The following SMCO4 variants were observed in gnomAD, a reference collection of about 807,000 sequenced individuals.
SMCO4 encodes the protein single-pass membrane protein with coiled-coil domains 4.
In SMCO4, 4 loss-of-function variants were observed where a neutral mutation model predicts 3.6. The observed-to-expected ratio is 1.11, with a 90% CI of 0.54 to 2.53. The LOEUF (loss-of-function observed/expected upper bound fraction) is 2.53. Among genes scored for constraint, SMCO4 ranks in the 30% most tolerant of loss-of-function variants. The pLI, the probability that SMCO4 is intolerant of heterozygous loss-of-function variation, is 0.02. For synonymous variants in SMCO4, 36 were observed against 35.3 expected (o/e 1.02, Z -0.07); for missense variants, 70 against 80.8 (o/e 0.87, Z 0.51).
chr11:93,535,286 T>C (rs918048952), intron 1 of SMCO4, among the ~76,000 whole-genome samples: 1 of 152,212 alleles, frequency 6.6e-6, no homozygotes, highest in Non-Finnish European at 1.5e-5. Context: ...ACTGGTGGCA[T>C]GACGCTTACA....
At chr11:93,547,621 G>T (rs1949323714), upstream of SMCO4, among the ~76,000 whole-genome samples, 1 of 152,146 alleles carries the variant, frequency 6.6e-6, no homozygotes, top group Non-Finnish European at 1.5e-5. Context: ...TACCTAGCAT[G>T]GAGCCTGGTG....
At chr11:93,495,190 G>A (rs1464721961) in intron 2 of SMCO4, among the ~76,000 whole-genome samples, 3 of 152,048 alleles carry the variant, frequency 2.0e-5, no homozygotes, top group Non-Finnish European at 2.9e-5. Context: ...GGGTGAGTGA[G>A]GGGCCATCTC....
chr11:93,488,210 T>C (rs913319814), intron 2 of SMCO4, among the ~76,000 whole-genome samples: 4 of 152,190 alleles, frequency 2.6e-5, no homozygotes, highest in African/African-American at 7.2e-5. Flanking sequence ...GCAGGACCCA[T>C]GCACAGACCC....
intron 1 of SMCO4, chr11:93,537,837 G>A (rs1487463795): frequency 1.3e-5 from 2 of 151,908 alleles, no homozygotes; most frequent in Non-Finnish European, 2.9e-5. Context: ...CTTGCACGGA[G>A]TGACTCACCG....
chr11:93,511,168 T>TA (rs201140199), intron 1 of SMCO4, among the ~76,000 whole-genome samples: 83 of 150,614 alleles, frequency 5.5e-4, no homozygotes, highest in African/African-American at 7.8e-4. Context: ...CATGTCCAAT[T>TA]AAAAAAAAAT....
intron 2 of SMCO4, among the ~76,000 whole-genome samples, chr11:93,493,286 C>T (rs1388431086): frequency 6.6e-6 from 1 of 152,142 alleles, no homozygotes; most frequent in Non-Finnish European, 1.5e-5. Context: ...CTCAGGCCAC[C>T]GTGGGTCCAC....
chr11:93,491,838 T>A (rs1296576368), intron 2 of SMCO4, among the ~76,000 whole-genome samples: 1 of 152,208 alleles, frequency 6.6e-6, no homozygotes. Context: ...CCTGTCCCCA[T>A]GTTTTTATGG....
At chr11:93,494,294 T>C (rs1187612812) in intron 2 of SMCO4, among the ~76,000 whole-genome samples, 1 of 152,214 alleles carries the variant, frequency 6.6e-6, no homozygotes, top group Admixed American at 6.5e-5. Context: ...AGTCTAGTTA[T>C]CATAAACTTT....
At chr11:93,530,881 A>G (rs960553992) in intron 1 of SMCO4, among the ~76,000 whole-genome samples, 2 of 152,184 alleles carry the variant, frequency 1.3e-5, no homozygotes, top group Admixed American at 6.5e-5. Flanking sequence ...CTTTTTCAGC[A>G]GTCACCAATA....
upstream of SMCO4, among the ~76,000 whole-genome samples, chr11:93,548,181 G>C (rs145007815): frequency 2.0e-5 from 3 of 152,334 alleles, no homozygotes; most frequent in Non-Finnish European, 4.4e-5. Context: ...TCACAACTCA[G>C]AGGTAAAATG....
intron 2 of SMCO4, among the ~76,000 whole-genome samples, chr11:93,498,914 G>C (rs944236363): frequency 4.4e-4 from 67 of 152,248 alleles, no homozygotes; most frequent in African/African-American, 1.5e-3. Flanking sequence ...CACAAAAACA[G>C]GCAACGAGAA....
intron 1 of SMCO4, among the ~76,000 whole-genome samples, chr11:93,524,378 G>C (rs1033453631): frequency 6.6e-6 from 1 of 152,016 alleles, no homozygotes. Context: ...TTTCACTTTC[G>C]GAATACAAGC....
intron 1 of SMCO4, among the ~76,000 whole-genome samples, chr11:93,541,146 G>A (rs376265350): frequency 6.6e-6 from 1 of 152,168 alleles, no homozygotes; most frequent in African/African-American, 2.4e-5. Context: ...TTAATGTGTG[G>A]TGTGACCCTG....
At chr11:93,512,055 T>C (rs1015845563) in intron 1 of SMCO4, among the ~76,000 whole-genome samples, 1 of 152,178 alleles carries the variant, frequency 6.6e-6, no homozygotes, top group Non-Finnish European at 1.5e-5. Context: ...TATTTAGAAG[T>C]TTGGTGATAT....
At chr11:93,525,066 A>C (rs1156248547) in intron 1 of SMCO4, among the ~76,000 whole-genome samples, 1 of 152,176 alleles carries the variant, frequency 6.6e-6, no homozygotes, top group Non-Finnish European at 1.5e-5. Context: ...CCAAGGAGCC[A>C]CTACTGTACT....
intron 1 of SMCO4, among the ~76,000 whole-genome samples, chr11:93,534,243 CACACACACACACACACACAA>C (rs1949193138): frequency 2.8e-5 from 1 of 36,262 alleles, no homozygotes; most frequent in East Asian, 4.5e-4. Context: ...CACACACACA[CACACACACACACACACACAA>C]ACACATATAT....
At position 93,535,687 on chromosome 11, in the gene SMCO4, G is replaced by A. The variant is rs79595843; in HGVS notation, c.-154+7589C>T. On this transcript the variant is annotated intron_variant, in intron 1 of 2. Coordinates refer to ENST00000298966, the MANE Select transcript of SMCO4 (RefSeq NM_020179.3). ...GAAGATCAGCACAGTGGTGAGCTCC[G>A]AGGAAGTGAATAAGTTTCAGATGGC... 3.1e-3 allele frequency: 4,975 copies of A among 1,612,762 alleles called. 135 individuals are homozygous for A. In the African/African-American group the frequency reaches 0.057, roughly 18 times the overall value.
chr11:93,481,032 G>T (rs1374692679), intron 2 of SMCO4, among the ~76,000 whole-genome samples: 2 of 108,620 alleles, frequency 1.8e-5, no homozygotes, highest in Admixed American at 1.1e-4. Context: ...CATGAAATAA[G>T]GAACAGAGAG....
At chr11:93,534,412 A>G (rs1253478095) in intron 1 of SMCO4, among the ~76,000 whole-genome samples, 1 of 151,422 alleles carries the variant, frequency 6.6e-6, no homozygotes. Context: ...ATATATATGG[A>G]AAAGGGAACA....
Sources: allele counts gnomAD v4.1 joint callset (sites outside exome capture counted in the v4.1 genomes callset), GRCh38; gene constraint gnomAD v4.1.1; transcripts MANE v1.5; gene names NCBI Gene and HGNC (gene_info 2026-07-23, HGNC 2026-07-21).